FHIP1A: variants seen among roughly 807,000 people sequenced by gnomAD.
The protein encoded by FHIP1A is FHF complex subunit HOOK-interacting protein 1A.
A neutral mutation model predicts 88.6 loss-of-function variants in FHIP1A; 61 were observed. That is an observed-to-expected ratio of 0.69 (90% CI 0.56 to 0.85). FHIP1A has a LOEUF of 0.85. Ranked by LOEUF, FHIP1A falls within the 40% of genes least tolerant of loss-of-function variation. FHIP1A has a pLI of 0.00. For synonymous variants in FHIP1A, 478 were observed against 496.0 expected (o/e 0.96, Z 0.48); for missense variants, 1,154 against 1,273.5 (o/e 0.91, Z 1.43).
chr4:151,558,054 T>C (rs1215063649), intron 3 of FHIP1A, among the ~76,000 whole-genome samples: 1 of 152,210 alleles, frequency 6.6e-6, no homozygotes, highest in Non-Finnish European at 1.5e-5. Context: ...CACAAAATGA[T>C]GCTTGGGACA....
At chr4:151,496,249 T>TTA (rs565976285) in intron 3 of FHIP1A, among the ~76,000 whole-genome samples, 41 of 148,554 alleles carry the variant, frequency 2.8e-4, no homozygotes, top group African/African-American at 8.9e-4. Flanking sequence ...ATATATATTT[T>TTA]TATATATATA....
chr4:151,635,024 A>G (rs919835688), intron 8 of FHIP1A, among the ~76,000 whole-genome samples: 2 of 151,854 alleles, frequency 1.3e-5, no homozygotes, highest in South Asian at 2.1e-4. Flanking sequence ...CAGAATATAT[A>G]AAAAGTTCTG....
chr4:151,517,904 A>T (rs1265381575), intron 3 of FHIP1A, among the ~76,000 whole-genome samples: 1 of 152,234 alleles, frequency 6.6e-6, no homozygotes, highest in Non-Finnish European at 1.5e-5. Context: ...CAAAGTGTTA[A>T]TACAGAGAGT....
Position 151,650,113 on chromosome 4 carries a change from CA to C in FHIP1A, c.2073del (p.Asp692IlefsTer37). On this transcript the variant is annotated frameshift_variant, in exon 11 of 14. Coordinates refer to ENST00000435205, the MANE Select transcript of FHIP1A (RefSeq NM_001109977.3). LOFTEE classifies it high-confidence loss of function. ...NGPLLSTQPE[T>X]DSEEEWNRDN... is the part of the protein sequence containing the mutation. ...CCCCTCCTCAGCACCCAGCCAGAGA[CA>C]GATTCAGAGGAGGAGTGGAATAGGG... 1 of 1,551,676 alleles carries C rather than the reference CA, an allele frequency of 6.4e-7. No individual in the cohort carries two copies. Among genetic ancestry groups the C allele is most frequent in the Non-Finnish European group, 8.7e-7 (1 of 1,146,992 alleles).
chr4:151,426,847 G>C (rs1051861624), intron 1 of FHIP1A, among the ~76,000 whole-genome samples: 6 of 152,118 alleles, frequency 3.9e-5, no homozygotes, highest in Non-Finnish European at 8.8e-5. Flanking sequence ...CTAAATTATT[G>C]TATTTTTCTT....
chr4:151,658,398 G>A (rs1281509808), intron 13 of FHIP1A, among the ~76,000 whole-genome samples: 1 of 152,212 alleles, frequency 6.6e-6, no homozygotes, highest in Non-Finnish European at 1.5e-5. Flanking sequence ...TCAGTGGGTG[G>A]CTGGATGTCT....
intron 4 of FHIP1A, among the ~76,000 whole-genome samples, chr4:151,573,457 G>T (rs1230047461): frequency 6.6e-6 from 1 of 152,066 alleles, no homozygotes; most frequent in African/African-American, 2.4e-5. Flanking sequence ...TTTTTTAAAT[G>T]GTATTTTCAG....
At chr4:151,500,290 C>T (rs1580637752) in intron 3 of FHIP1A, among the ~76,000 whole-genome samples, 1 of 152,022 alleles carries the variant, frequency 6.6e-6, no homozygotes, top group Non-Finnish European at 1.5e-5. Context: ...TCAAAAAGAC[C>T]ATTTAGGTGT....
At chr4:151,642,911 G>A (rs1019638403) in intron 9 of FHIP1A, among the ~76,000 whole-genome samples, 2 of 149,198 alleles carry the variant, frequency 1.3e-5, no homozygotes, top group African/African-American at 4.9e-5. Context: ...TAATATATAT[G>A]ATACATATTT....
chr4:151,616,134 C>T (rs1735509777), intron 7 of FHIP1A, among the ~76,000 whole-genome samples: 1 of 152,130 alleles, frequency 6.6e-6, no homozygotes, highest in African/African-American at 2.4e-5. Flanking sequence ...TTATGTGAAT[C>T]AGTGGAAACT....
chr4:151,422,911 A>G (rs1482676584), intron 1 of FHIP1A, among the ~76,000 whole-genome samples: 1 of 152,216 alleles, frequency 6.6e-6, no homozygotes, highest in Non-Finnish European at 1.5e-5. Context: ...AATCGCCATC[A>G]CTGTCTTTCT....
intron 1 of FHIP1A, among the ~76,000 whole-genome samples, chr4:151,413,470 T>C (rs1231641958): frequency 6.6e-6 from 1 of 152,226 alleles, no homozygotes; most frequent in Non-Finnish European, 1.5e-5. Context: ...TTATTTATTT[T>C]TTGAGGCAGA....
chr4:151,433,363 A>G (rs1289830309), intron 1 of FHIP1A, among the ~76,000 whole-genome samples: 2 of 151,654 alleles, frequency 1.3e-5, no homozygotes, highest in Admixed American at 6.6e-5. Context: ...AAGGCAGTCT[A>G]CTGATGAGAT....
At chr4:151,613,973 G>T (rs529811913) in intron 7 of FHIP1A, among the ~76,000 whole-genome samples, 1 of 152,152 alleles carries the variant, frequency 6.6e-6, no homozygotes, top group African/African-American at 2.4e-5. Flanking sequence ...GACCAGCCTG[G>T]CTAATATGGT....
At position 151,480,216 on chromosome 4, in the gene FHIP1A, G is replaced by A. The variant is rs114248793; in HGVS notation, c.-247-2308G>A. 7.7e-4 allele frequency among the ~76,000 whole-genome samples: 117 copies of A among 152,140 alleles called. 1 individual carries two copies. The highest frequency in any genetic ancestry group is 2.7e-3 in the African/African-American group (111 of 41,548). ...TCGGCTTCCTTTGAAGTCATGAAGC[G>A]TTGCTGCTGGCGGGATCATGATGGT... On this transcript the variant is annotated intron_variant, in intron 2 of 13. Transcript: ENST00000435205.
intron 1 of FHIP1A, 102 bp from the exon 2 acceptor site, chr4:151,454,599 C>T (rs1728905655): frequency 6.6e-6 from 1 of 151,846 alleles, no homozygotes; most frequent in South Asian, 2.1e-4. Context: ...AAGGTTGAGG[C>T]AAATTAGGCC....
intron 1 of FHIP1A, among the ~76,000 whole-genome samples, chr4:151,425,284 G>T (rs1311069883): frequency 6.6e-6 from 1 of 152,108 alleles, no homozygotes; most frequent in East Asian, 1.9e-4. Context: ...TCAGAGTGTA[G>T]GAATTTCTAC....
At chr4:151,484,855 A>G (rs760272101) in intron 3 of FHIP1A, among the ~76,000 whole-genome samples, 2 of 152,208 alleles carry the variant, frequency 1.3e-5, no homozygotes, top group Non-Finnish European at 2.9e-5. Flanking sequence ...AAGAGCAGTT[A>G]TGGCAGCATT....
intron 3 of FHIP1A, among the ~76,000 whole-genome samples, chr4:151,509,109 C>A (rs1730933025): frequency 6.6e-6 from 1 of 152,132 alleles, no homozygotes; most frequent in African/African-American, 2.4e-5. Flanking sequence ...AGCTGGGAAG[C>A]AAACTGACTT....
Sources: gnomAD v4.1 joint callset for allele counts (sites outside exome capture counted in the v4.1 genomes callset) on GRCh38, gnomAD v4.1.1 for gene constraint, MANE v1.5 for transcripts, NCBI Gene and HGNC (gene_info 2026-07-23, HGNC 2026-07-21) for gene names.